The following WDR49 variants were observed in gnomAD, a reference collection of about 807,000 sequenced individuals.
WDR49 encodes WD repeat domain 49.
In WDR49, 107 loss-of-function variants were observed where a neutral mutation model predicts 119.5. That is an observed-to-expected ratio of 0.90 (90% CI 0.77 to 1.05). WDR49 has a LOEUF of 1.05. Ranked by LOEUF, WDR49 falls within the 50% of genes least tolerant of loss-of-function variation. The pLI is 0.00. For missense variants in WDR49, 1,240 were observed against 1,220.5 expected (o/e 1.02, Z -0.24); for synonymous variants, 425 against 418.8 (o/e 1.01, Z -0.18).
intron 16 of WDR49, among the ~76,000 whole-genome samples, chr3:167,521,003 A>G (rs1324648634): frequency 6.6e-6 from 1 of 152,162 alleles, no homozygotes; most frequent in African/African-American, 2.4e-5. Context: ...CTCTAGGGTA[A>G]CAATGAGAGG....
intron 18 of WDR49, among the ~76,000 whole-genome samples, chr3:167,481,814 C>G (rs952217643): frequency 6.6e-6 from 1 of 152,020 alleles, no homozygotes; most frequent in African/African-American, 2.4e-5. Context: ...GAGAATAGCA[C>G]GAGAAAGACT....
At chr3:167,562,231 G>T (rs1229131674) in intron 8 of WDR49, among the ~76,000 whole-genome samples, 1 of 152,128 alleles carries the variant, frequency 6.6e-6, no homozygotes, top group Non-Finnish European at 1.5e-5. Flanking sequence ...GGCTTGTAAA[G>T]ATACTTCTTG....
chr3:167,536,349 ACAATTATTAATATTATGTGT>A (rs1298951875), intron 11 of WDR49, among the ~76,000 whole-genome samples: 5 of 152,068 alleles, frequency 3.3e-5, no homozygotes, highest in Non-Finnish European at 5.9e-5. Flanking sequence ...ATAAATATGT[ACAATTATTAATATTATGTGT>A]CAATCATAAA....
At chr3:167,648,601 G>T (rs1238529557) in intron 2 of WDR49, among the ~76,000 whole-genome samples, 3 of 152,258 alleles carry the variant, frequency 2.0e-5, no homozygotes, top group Middle Eastern at 3.4e-3. Context: ...ATTCTAAGAG[G>T]ACCATGGGTG....
chr3:167,640,597 T>G (rs528747498), intron 2 of WDR49, among the ~76,000 whole-genome samples: 21 of 152,032 alleles, frequency 1.4e-4, no homozygotes, highest in Middle Eastern at 3.4e-3. Flanking sequence ...AGTTAATGTT[T>G]GGTGCCAAAA....
chr3:167,529,241 T>G lies in WDR49; in HGVS notation c.2219-2A>C. 2 of 1,569,310 alleles carry G rather than the reference T, an allele frequency of 1.3e-6. No homozygotes were observed. The highest frequency in any genetic ancestry group is 1.7e-6 in the Non-Finnish European group (2 of 1,164,252). ...CACATGATACCAGGTTAGCTCCTCC[T>G]AACATGTAAGGGAAAAATCTAACTA... is the stretch of plus-strand genomic sequence containing the variant. On this transcript the variant is annotated splice_acceptor_variant, in intron 13 of 18. Transcript: ENST00000682715. LOFTEE classifies it high-confidence loss of function.
intron 18 of WDR49, 44 bp downstream of exon 18, chr3:167,500,109 T>C: frequency 4.7e-6 from 7 of 1,485,852 alleles, no homozygotes; most frequent in Non-Finnish European, 6.2e-6. Flanking sequence ...TGACTAAGTT[T>C]CCTGAAGAGG....
intron 2 of WDR49, among the ~76,000 whole-genome samples, chr3:167,645,508 G>C (rs1718078307): frequency 6.6e-6 from 1 of 152,104 alleles, no homozygotes; most frequent in Non-Finnish European, 1.5e-5. Flanking sequence ...ACCATGCCCA[G>C]TCTTATTTAT....
Position 167,500,316 on chromosome 3 carries a change from T to A in WDR49, c.2885-17A>T. On this transcript the variant is annotated splice_polypyrimidine_tract_variant and intron_variant, in intron 17 of 18. Transcript: ENST00000682715. The stretch of plus-strand genomic sequence containing the variant: ...TAAATGTACCTTCACAACAGCAGGT[T>A]TTAGAGGAAGACAGGGAGAAAAAGG... The A allele has an allele frequency of 6.2e-7, 1 of 1,605,118 alleles. No individual in the cohort carries two copies. The highest frequency in any genetic ancestry group is 8.5e-7 in the Non-Finnish European group (1 of 1,177,442).
intron 9 of WDR49, 138 bp from the exon 10 acceptor site, chr3:167,554,936 G>C: frequency 1.7e-6 from 1 of 591,934 alleles, no homozygotes. Flanking sequence ...TATTACTCTT[G>C]TAATATTGTG....
chr3:167,604,384 G>T lies in WDR49; in HGVS notation c.1043C>A (p.Ser348Ter), dbSNP rs201816414. 2.5e-6 allele frequency: 4 copies of T among 1,613,534 alleles called. No homozygotes were observed. Among genetic ancestry groups the T allele is most frequent in the African/African-American group, 1.3e-5 (1 of 74,876 alleles). Reference sequence around the variant, plus strand: ...GGATGTCATATTAAGACGCTTTTTTGATTTCTCTCTCCAAGCCATCACCAC... The same window carrying T: ...GGATGTCATATTAAGACGCTTTTTTTATTTCTCTCTCCAAGCCATCACCAC... ...NSVVMAWREK[S>*]KKRLNMTSFN... Residue 348 changes from serine to a stop codon, truncating the protein, a stop_gained, in exon 6 of 19, where the codon TCA becomes TAA. Coordinates refer to ENST00000682715, the MANE Select transcript of WDR49 (RefSeq NM_001366157.1). LOFTEE classifies it high-confidence loss of function.
At chr3:167,481,803 C>T (rs926477453) in intron 18 of WDR49, among the ~76,000 whole-genome samples, 5 of 142,720 alleles carry the variant, frequency 3.5e-5, no homozygotes, top group East Asian at 1.9e-4. Context: ...TTCACTATCA[C>T]GAGAATAGCA....
At chr3:167,588,678 T>C (rs926394725) in intron 7 of WDR49, among the ~76,000 whole-genome samples, 6 of 152,202 alleles carry the variant, frequency 3.9e-5, no homozygotes, top group African/African-American at 7.2e-5. Context: ...TGATTTGCAT[T>C]TCTCTGATAA....
chr3:167,606,174 TC>T (rs1223838292), intron 5 of WDR49, among the ~76,000 whole-genome samples: 1 of 152,192 alleles, frequency 6.6e-6, no homozygotes, highest in African/African-American at 2.4e-5. Flanking sequence ...TATTTTATAC[TC>T]TAGAGAGTAT....
At chr3:167,532,222 T>C (rs1048416636) in intron 12 of WDR49, among the ~76,000 whole-genome samples, 1 of 152,182 alleles carries the variant, frequency 6.6e-6, no homozygotes, top group South Asian at 2.1e-4. Context: ...GTTTATTCAG[T>C]TGAGACAACA....
At chr3:167,653,166 A>AT in intron 2 of WDR49, 95 bp downstream of exon 2, 4 of 1,367,188 alleles carry the variant, frequency 2.9e-6, no homozygotes, top group Non-Finnish European at 4.0e-6. Flanking sequence ...AATTAAGTGT[A>AT]TTTTTTTAAT....
intron 18 of WDR49, among the ~76,000 whole-genome samples, chr3:167,479,477 T>TA (rs1371296348): frequency 3.9e-5 from 6 of 152,196 alleles, no homozygotes; most frequent in African/African-American, 1.4e-4. Flanking sequence ...CATGAGTGGT[T>TA]ATATTGCGCA....
At chr3:167,590,520 C>T (rs1308687678) in intron 7 of WDR49, among the ~76,000 whole-genome samples, 1 of 152,002 alleles carries the variant, frequency 6.6e-6, no homozygotes, top group East Asian at 1.9e-4. Context: ...AGCAGCAAAG[C>T]CCTTGGGTCC....
Position 167,532,896 on chromosome 3 carries a change from A to T in WDR49, c.2036T>A (p.Leu679Ter), listed in dbSNP as rs1474664109. 1 of 1,609,092 alleles carries T rather than the reference A, an allele frequency of 6.2e-7. No homozygotes were observed. Among genetic ancestry groups the T allele is most frequent in the African/African-American group, 1.3e-5 (1 of 74,894 alleles). ...HHVLHPDYQR[L>*]LKSKLDTKPQ... ...ACACTTACCTAATTTTGACTTTAGCAACCTCTGGTAATCAGGGTGAAGAAC... is the reference window on the plus strand; with the variant it reads ...ACACTTACCTAATTTTGACTTTAGCTACCTCTGGTAATCAGGGTGAAGAAC... Residue 679 changes from leucine to a stop codon, truncating the protein, a stop_gained, in exon 12 of 19, where the codon TTG becomes TAG. Transcript: ENST00000682715. LOFTEE classifies it high-confidence loss of function.
Sources: allele counts gnomAD v4.1 joint callset (sites outside exome capture counted in the v4.1 genomes callset), GRCh38; gene constraint gnomAD v4.1.1; transcripts MANE v1.5; gene names NCBI Gene and HGNC (gene_info 2026-07-23, HGNC 2026-07-21).